Variants in DNAH9 observed in about 807,000 individuals in gnomAD.
DNAH9 encodes the protein DNAH9 variant protein.
DNAH9 carries 345 observed loss-of-function variants against 471.6 expected under a neutral mutation model. The observed-to-expected ratio is 0.73, with a 90% CI of 0.67 to 0.80. The LOEUF (loss-of-function observed/expected upper bound fraction) is 0.80. DNAH9 is among the 30% of genes least tolerant of loss of function. The pLI, the probability that DNAH9 is intolerant of heterozygous loss-of-function variation, is 0.00. For synonymous variants in DNAH9, 2,093 were observed against 2,123.6 expected (o/e 0.99, Z 0.40); for missense variants, 5,407 against 5,609.2 (o/e 0.96, Z 1.15).
chr17:11,744,908 C>T lies in DNAH9; in HGVS notation c.6223C>T (p.Arg2075Trp), dbSNP rs145963208. 9.9e-5 allele frequency: 160 copies of T among 1,614,110 alleles called. No homozygotes were observed. The highest frequency in any genetic ancestry group is 1.5e-4 in the Admixed American group (9 of 60,018). ...GGACCAGGTCCTGATGCGCTCCTTG[C>T]GGGATTTCAACATCCCCAAGATTGT... ...PEDQVLMRSL[R>W]DFNIPKIVTD... Residue 2075 changes from arginine (R) to tryptophan (W), a missense_variant, in exon 31 of 69, where the codon CGG becomes TGG. Coordinates refer to ENST00000262442, the MANE Select transcript of DNAH9 (RefSeq NM_001372.4).
At chr17:11,939,652 A>G (rs890135899) in intron 66 of DNAH9, among the ~76,000 whole-genome samples, 1 of 152,200 alleles carries the variant, frequency 6.6e-6, no homozygotes, top group East Asian at 1.9e-4. Flanking sequence ...TTTTGTTGTT[A>G]AGAAGTAAAT....
In DNAH9 at chr17:11,961,953, C is replaced by A; in HGVS notation, c.12930C>A (p.Ala4310=). The change falls in exon 68 of 69, where the codon GCC becomes GCA. Residue 4310 remains alanine, a synonymous_variant. Transcript: ENST00000262442. ...DMVPESWARR[A]YPSTAGLAAW... ...TGCCAGAGTCCTGGGCTAGACGAGCCTACCCTTCCACAGCAGGCCTGGCAG... is the reference window on the plus strand; with the variant it reads ...TGCCAGAGTCCTGGGCTAGACGAGCATACCCTTCCACAGCAGGCCTGGCAG... The A allele has an allele frequency of 6.2e-7, 1 of 1,614,184 alleles. No homozygotes were observed. Among genetic ancestry groups the A allele is most frequent in the East Asian group, 2.2e-5 (1 of 44,872 alleles).
At chr17:11,919,883 G>T (rs868570126) in intron 61 of DNAH9, among the ~76,000 whole-genome samples, 90 of 152,076 alleles carry the variant, frequency 5.9e-4, no homozygotes, top group African/African-American at 2.1e-3. Context: ...GAAGAAATAA[G>T]AAGGTAAAAA....
intron 57 of DNAH9, among the ~76,000 whole-genome samples, chr17:11,888,144 G>A (rs1297900265): frequency 6.6e-6 from 1 of 151,824 alleles, no homozygotes; most frequent in South Asian, 2.1e-4. Flanking sequence ...CACCGCACCT[G>A]GCTAATTTTT....
At chr17:11,815,009 A>C (rs1409995413) in intron 45 of DNAH9, among the ~76,000 whole-genome samples, 1 of 152,142 alleles carries the variant, frequency 6.6e-6, no homozygotes, top group Non-Finnish European at 1.5e-5. Flanking sequence ...TCAAGCATGC[A>C]CTGATCCTCT....
At chr17:11,817,608 T>C (rs951343458) in intron 45 of DNAH9, among the ~76,000 whole-genome samples, 22 of 152,224 alleles carry the variant, frequency 1.4e-4, no homozygotes. Flanking sequence ...TTATGAACAA[T>C]AAAATTTGAA....
At chr17:11,954,845 A>C (rs1975559552) in intron 67 of DNAH9, among the ~76,000 whole-genome samples, 2 of 152,068 alleles carry the variant, frequency 1.3e-5, no homozygotes, top group South Asian at 4.1e-4. Context: ...ATTTGGATCT[A>C]AACAAAGAAA....
At chr17:11,814,130 T>C (rs1209775230) in intron 45 of DNAH9, among the ~76,000 whole-genome samples, 1 of 152,210 alleles carries the variant, frequency 6.6e-6, no homozygotes, top group Non-Finnish European at 1.5e-5. Context: ...GAATGTGCAC[T>C]GATCATCAAA....
chr17:11,743,675 C>T (rs2075465746), intron 30 of DNAH9, among the ~76,000 whole-genome samples: 1 of 152,170 alleles, frequency 6.6e-6, no homozygotes, highest in Non-Finnish European at 1.5e-5. Flanking sequence ...CCTGTTCTCA[C>T]TTGCCTTGAC....
At chr17:11,675,655 A>G (rs2074037419) in intron 17 of DNAH9, among the ~76,000 whole-genome samples, 1 of 152,182 alleles carries the variant, frequency 6.6e-6, no homozygotes, top group African/African-American at 2.4e-5. Flanking sequence ...AAATGGATGT[A>G]AAATTGTATC....
At chr17:11,684,118 C>T (rs994012018) in intron 19 of DNAH9, among the ~76,000 whole-genome samples, 6 of 152,146 alleles carry the variant, frequency 3.9e-5, no homozygotes, top group African/African-American at 1.2e-4. Context: ...CTGGTTTCTT[C>T]ACTTTTAGAT....
chr17:11,914,049 A>G (rs1050755254), intron 61 of DNAH9, among the ~76,000 whole-genome samples: 1 of 152,188 alleles, frequency 6.6e-6, no homozygotes, highest in Non-Finnish European at 1.5e-5. Flanking sequence ...ATGTAAATAT[A>G]TCATTCACTG....
intron 6 of DNAH9, among the ~76,000 whole-genome samples, chr17:11,627,217 G>A (rs934234113): frequency 3.3e-5 from 5 of 152,134 alleles, no homozygotes; most frequent in African/African-American, 9.7e-5. Context: ...CTTTTTAAGT[G>A]ACCAGACTTT....
intron 59 of DNAH9, among the ~76,000 whole-genome samples, chr17:11,897,210 C>A (rs1973251445): frequency 1.3e-5 from 2 of 152,104 alleles, no homozygotes; most frequent in Admixed American, 6.5e-5. Context: ...TTATACTAAG[C>A]CTTTGAAATC....
intron 56 of DNAH9, among the ~76,000 whole-genome samples, chr17:11,886,276 A>T (rs928961489): frequency 6.6e-6 from 1 of 152,178 alleles, no homozygotes; most frequent in African/African-American, 2.4e-5. Context: ...GTGAGCCAAG[A>T]TCGTGCCATT....
chr17:11,757,743 C>T (rs1244497369), intron 35 of DNAH9, 51 bp downstream of exon 35: 6 of 1,580,808 alleles, frequency 3.8e-6, no homozygotes, highest in Non-Finnish European at 3.5e-6. Context: ...ATAAAAAGCC[C>T]ATGGGTTCAC....
chr17:11,735,409 A>T (rs2075328915), intron 28 of DNAH9, among the ~76,000 whole-genome samples: 1 of 150,034 alleles, frequency 6.7e-6, no homozygotes, highest in Non-Finnish European at 1.5e-5. Context: ...ATAGCTTTCC[A>T]TTTTTTTTTG....
chr17:11,809,856 A>G (rs1477021159), intron 44 of DNAH9, among the ~76,000 whole-genome samples: 5 of 152,158 alleles, frequency 3.3e-5, no homozygotes, highest in Non-Finnish European at 5.9e-5. Context: ...TGAGTCTTAT[A>G]TATGTGTAAG....
intron 33 of DNAH9, among the ~76,000 whole-genome samples, chr17:11,753,653 C>T (rs990419762): frequency 1.3e-5 from 2 of 152,158 alleles, no homozygotes; most frequent in South Asian, 2.1e-4. Context: ...GCAACAAGAG[C>T]GAAACTCCAT....
Sources: gnomAD v4.1 joint callset for allele counts (sites outside exome capture counted in the v4.1 genomes callset) on GRCh38, gnomAD v4.1.1 for gene constraint, MANE v1.5 for transcripts, NCBI Gene and HGNC (gene_info 2026-07-23, HGNC 2026-07-21) for gene names.